SLC9B1: variants seen among roughly 807,000 people sequenced by gnomAD.
SLC9B1 encodes solute carrier family 9 member B1, also known as sodium/hydrogen exchanger 9B1.
SLC9B1 carries 32 observed loss-of-function variants against 51.7 expected under a neutral mutation model. The ratio of observed to expected loss-of-function variants is 0.62; its 90% CI spans 0.47 to 0.83. The LOEUF (loss-of-function observed/expected upper bound fraction) is 0.83. SLC9B1 is among the 40% of genes least tolerant of loss of function. The pLI, the probability that SLC9B1 is intolerant of heterozygous loss-of-function variation, is 0.00. For missense variants in SLC9B1, 406 were observed against 613.2 expected, an observed-to-expected ratio of 0.66 and a Z score of 3.57; for synonymous variants, 145 against 212.7, an observed-to-expected ratio of 0.68 and a Z score of 2.77.
downstream of SLC9B1, chr4:102,898,306 C>A: frequency 2.5e-6 from 1 of 395,152 alleles, no homozygotes. Context: ...ATATCAAAAA[C>A]CTTAAATACT....
At chr4:103,002,689 G>C (rs528540052) in intron 1 of SLC9B1, among the ~76,000 whole-genome samples, 2 of 152,334 alleles carry the variant, frequency 1.3e-5, no homozygotes, top group Admixed American at 1.3e-4. Context: ...AAGCTGTTCA[G>C]ACCCTTGGGG....
intron 4 of SLC9B1, among the ~76,000 whole-genome samples, chr4:102,947,185 G>C (rs1737309459): frequency 6.6e-6 from 1 of 152,166 alleles, no homozygotes; most frequent in Non-Finnish European, 1.5e-5. Flanking sequence ...TGGAGACAGA[G>C]ACCAAATTGA....
At chr4:102,957,125 T>C (rs957566472) in intron 3 of SLC9B1, among the ~76,000 whole-genome samples, 9 of 151,946 alleles carry the variant, frequency 5.9e-5, no homozygotes, top group Non-Finnish European at 1.2e-4. Context: ...TTAATCAATC[T>C]GAAGAACAAA....
At chr4:102,930,201 CA>C (rs1736381159) in intron 7 of SLC9B1, among the ~76,000 whole-genome samples, 1 of 151,996 alleles carries the variant, frequency 6.6e-6, no homozygotes, top group Admixed American at 6.5e-5. Flanking sequence ...ATCAAATTAG[CA>C]AAGATGAAAA....
chr4:102,934,969 T>C (rs1736646533), intron 6 of SLC9B1, among the ~76,000 whole-genome samples: 1 of 152,138 alleles, frequency 6.6e-6, no homozygotes, highest in South Asian at 2.1e-4. Context: ...TCCCCCTTTT[T>C]TTCTTTTTCA....
chr4:102,972,182 CA>C (rs934124458), intron 3 of SLC9B1, among the ~76,000 whole-genome samples: 1 of 151,978 alleles, frequency 6.6e-6, no homozygotes, highest in Non-Finnish European at 1.5e-5. Context: ...GGCAGAGACA[CA>C]ACAAAAAAAA....
chr4:102,885,151 CTA>C (rs796666622), exon 12 of SLC9B1: 639,263 of 1,262,484 alleles, frequency 0.51, 163,533 homozygotes, highest in African/African-American at 0.68. Flanking sequence ...AAGGATGAAA[CTA>C]GACATGCTAT....
Position 103,018,569 on chromosome 4 carries a change from A to G in SLC9B1, c.-2+1030T>C, listed in dbSNP as rs556609080. 3.3e-5 allele frequency among the ~76,000 whole-genome samples: 5 copies of G among 152,156 alleles called. No individual in the cohort carries two copies. In the South Asian group the frequency reaches 6.2e-4, roughly 19 times the overall value. ...ATTATATTTATCTCTAAGGAAAATC[A>G]GAGAGTGGGGTGTGGCCTCCCTCAG... is the stretch of plus-strand genomic sequence containing the variant. On this transcript the variant is annotated intron_variant, in intron 1 of 11. Coordinates refer to ENST00000296422, the MANE Select transcript of SLC9B1 (RefSeq NM_139173.4).
intron 7 of SLC9B1, among the ~76,000 whole-genome samples, chr4:102,928,119 T>G (rs1282287581): frequency 3.3e-5 from 5 of 152,018 alleles, no homozygotes; most frequent in African/African-American, 4.8e-5. Context: ...GAGAAATACC[T>G]AATGTAAATG....
At chr4:102,994,050 G>A (rs1289623612) in intron 1 of SLC9B1, among the ~76,000 whole-genome samples, 1 of 152,124 alleles carries the variant, frequency 6.6e-6, no homozygotes, top group Non-Finnish European at 1.5e-5. Flanking sequence ...AAAATGCCCT[G>A]GAGACATTTT....
chr4:102,945,752 A>G (rs1737235198), intron 5 of SLC9B1, among the ~76,000 whole-genome samples: 1 of 152,174 alleles, frequency 6.6e-6, no homozygotes, highest in Non-Finnish European at 1.5e-5. Flanking sequence ...TTTAAAAGGG[A>G]GAACTTTTCA....
chr4:103,004,025 C>T (rs972669763), intron 1 of SLC9B1, among the ~76,000 whole-genome samples: 2 of 152,186 alleles, frequency 1.3e-5, no homozygotes, highest in Non-Finnish European at 2.9e-5. Context: ...ACTCTGGCAA[C>T]TCAAGATGCC....
intron 3 of SLC9B1, among the ~76,000 whole-genome samples, chr4:102,951,516 G>T (rs1179759886): frequency 6.6e-6 from 1 of 151,566 alleles, no homozygotes; most frequent in Non-Finnish European, 1.5e-5. Context: ...GACATGAGAA[G>T]AAGAAATTAC....
intron 1 of SLC9B1, among the ~76,000 whole-genome samples, chr4:103,009,868 T>C (rs2110540425): frequency 6.6e-6 from 1 of 152,304 alleles, no homozygotes; most frequent in African/African-American, 2.4e-5. Context: ...GAGACCTACA[T>C]GCATGCATAA....
At position 102,891,077 on chromosome 4, in the gene SLC9B1, G is replaced by A. The variant is rs1734225229; in HGVS notation, c.1333-5749C>T. On this transcript the variant is annotated intron_variant, in intron 11 of 11. Transcript: ENST00000394789. ...GATCCAGAACAAGGAAATGATGTATGTGTTTACATATTACATCTACTTTAT... is the reference window on the plus strand; with the variant it reads ...GATCCAGAACAAGGAAATGATGTATATGTTTACATATTACATCTACTTTAT... 2.0e-5 allele frequency: 3 copies of A among 151,150 alleles called. 1 individual carries two copies. The highest frequency in any genetic ancestry group is 7.4e-5 in the African/African-American group (3 of 40,528). The allele number at this position is 151,150 out of a possible 1,614,324, so 9.4% of individuals were successfully genotyped here. A position where few individuals can be genotyped will look rare whatever the true frequency, so the allele number is the denominator to read the frequency against.
At chr4:102,994,383 T>C (rs1024073717) in intron 1 of SLC9B1, among the ~76,000 whole-genome samples, 1 of 151,538 alleles carries the variant, frequency 6.6e-6, no homozygotes, top group Non-Finnish European at 1.5e-5. Context: ...CTCATCTCCA[T>C]CTCAAACCAC....
rs534508678 is a variant in SLC9B1 at position 102,959,225 on chromosome 4, CAT to C, written c.212-9800_212-9799del. On this transcript the variant is annotated intron_variant, in intron 3 of 11. Coordinates refer to ENST00000296422, the MANE Select transcript of SLC9B1 (RefSeq NM_139173.4). Reference sequence around the variant, plus strand: ...AAAGGATAGGAGATTAGGAGACATACATATATATATACACACACACACACACA... The same window carrying C: ...AAAGGATAGGAGATTAGGAGACATACATATATATACACACACACACACACA... Among the ~76,000 whole-genome samples, 819 of 132,004 alleles carry C rather than the reference CAT, an allele frequency of 6.2e-3. 6 individuals carry two copies. The highest frequency in any genetic ancestry group is 0.023 in the African/African-American group (742 of 31,866). 86.6% of individuals were successfully genotyped at this position (132,004 alleles called of 152,430 possible).
At chr4:102,932,093 G>C in intron 7 of SLC9B1, 31 bp downstream of exon 7, 1 of 1,604,664 alleles carries the variant, frequency 6.2e-7, no homozygotes, top group South Asian at 1.1e-5. Flanking sequence ...GGTCATGAAT[G>C]ATCTAGTGGT....
intron 3 of SLC9B1, among the ~76,000 whole-genome samples, chr4:102,968,748 C>A (rs547474112): frequency 5.3e-5 from 8 of 152,332 alleles, no homozygotes; most frequent in Admixed American, 2.6e-4. Context: ...CGGGAAGCAG[C>A]ACAAGGGGTC....
Sources: allele counts gnomAD v4.1 joint callset (sites outside exome capture counted in the v4.1 genomes callset), GRCh38; gene constraint gnomAD v4.1.1; transcripts MANE v1.5; gene names NCBI Gene and HGNC (gene_info 2026-07-23, HGNC 2026-07-21).